Variants in EBF2 observed in about 807,000 individuals in gnomAD.
EBF2 encodes the protein transcription factor COE2.
Under a neutral mutation model 72.8 loss-of-function variants are expected in EBF2, and 21 were observed. The ratio of observed to expected loss-of-function variants is 0.29; its 90% CI spans 0.20 to 0.42. EBF2 has a LOEUF of 0.42. Ranked by LOEUF, EBF2 falls within the 10% of genes least tolerant of loss-of-function variation. EBF2 has a pLI of 1.00. For synonymous variants in EBF2, 299 were observed against 274.2 expected, an observed-to-expected ratio of 1.09 and a Z score of -0.89; for missense variants, 637 against 731.2, an observed-to-expected ratio of 0.87 and a Z score of 1.49.
At chr8:26,020,948 GAAGA>G (rs1466031870) in intron 6 of EBF2, among the ~76,000 whole-genome samples, 3 of 152,120 alleles carry the variant, frequency 2.0e-5, no homozygotes, top group Admixed American at 6.5e-5. Flanking sequence ...CCACAACCAA[GAAGA>G]GAGAGTGGAG....
chr8:25,956,834 C>G (rs1401053146), intron 6 of EBF2, among the ~76,000 whole-genome samples: 3 of 152,166 alleles, frequency 2.0e-5, no homozygotes, highest in Non-Finnish European at 2.9e-5. Flanking sequence ...TATTCTCTCC[C>G]AAGATGACAC....
At chr8:25,989,104 C>A (rs1804505863) in intron 6 of EBF2, among the ~76,000 whole-genome samples, 1 of 152,232 alleles carries the variant, frequency 6.6e-6, no homozygotes. Flanking sequence ...AATGCCTTAG[C>A]CTCTTTGGGC....
chr8:25,939,091 C>T (rs1456755866), intron 6 of EBF2, among the ~76,000 whole-genome samples: 1 of 152,100 alleles, frequency 6.6e-6, no homozygotes, highest in African/African-American at 2.4e-5. Context: ...ATGCTCAAGA[C>T]AAAAATCAAA....
intron 6 of EBF2, among the ~76,000 whole-genome samples, chr8:25,912,741 G>A (rs1245616384): frequency 1.3e-5 from 2 of 152,072 alleles, no homozygotes; most frequent in Non-Finnish European, 2.9e-5. Context: ...AGGATCCCCC[G>A]ACCAAACTAT....
chr8:25,973,906 G>C (rs1804227394), intron 6 of EBF2, among the ~76,000 whole-genome samples: 1 of 152,186 alleles, frequency 6.6e-6, no homozygotes, highest in Admixed American at 6.5e-5. Flanking sequence ...ACAAACTCCT[G>C]GGAGCAAGCA....
At chr8:25,850,880 TAAAAA>T (rs913523397) in intron 14 of EBF2, 119 bp from the exon 15 acceptor site, 6 of 959,252 alleles carry the variant, frequency 6.3e-6, no homozygotes, top group Non-Finnish European at 8.5e-6. Context: ...TTGCAGGGAT[TAAAAA>T]AAAAAAGTTG....
chr8:26,003,007 G>A (rs1037763487), intron 6 of EBF2, among the ~76,000 whole-genome samples: 2 of 151,996 alleles, frequency 1.3e-5, no homozygotes, highest in African/African-American at 4.8e-5. Context: ...CTCATCTGGG[G>A]AAGGTCTCAT....
At chr8:25,850,905 A>T in intron 14 of EBF2, 144 bp from the exon 15 acceptor site, 1 of 859,880 alleles carries the variant, frequency 1.2e-6, no homozygotes, top group Non-Finnish European at 1.7e-6. Flanking sequence ...GAATGTGACA[A>T]CATTCCCACC....
rs74864442 is a variant in EBF2, at chr8:25,923,943, G to A, written c.552-15388C>T. ...TGAATGTTTATGCTTCTCCTAATGA[G>A]ATGATGCATTGAAAAGTGAAGATAA... On this transcript the variant is annotated intron_variant, in intron 6 of 15. Transcript: ENST00000520164. 6.1e-3 allele frequency among the ~76,000 whole-genome samples: 930 copies of A among 152,056 alleles called. 5 individuals carry two copies. The highest frequency in any genetic ancestry group is 9.0e-3 in the Non-Finnish European group (615 of 67,992).
At chr8:25,937,662 C>A (rs1176082053) in intron 6 of EBF2, among the ~76,000 whole-genome samples, 1 of 152,124 alleles carries the variant, frequency 6.6e-6, no homozygotes, top group Non-Finnish European at 1.5e-5. Context: ...TTCTTTGTCA[C>A]AATAAACCAC....
At chr8:25,928,540 A>T (rs1216564057) in intron 6 of EBF2, among the ~76,000 whole-genome samples, 1 of 152,270 alleles carries the variant, frequency 6.6e-6, no homozygotes, top group South Asian at 2.1e-4. Context: ...GTACCATGTG[A>T]TCAATTACTG....
intron 7 of EBF2, among the ~76,000 whole-genome samples, chr8:25,906,559 G>A (rs1386069117): frequency 6.6e-6 from 1 of 152,088 alleles, no homozygotes; most frequent in Non-Finnish European, 1.5e-5. Flanking sequence ...TTGAGGTCTG[G>A]AGTTTCAGAC....
intron 6 of EBF2, among the ~76,000 whole-genome samples, chr8:25,913,385 G>A (rs1397860216): frequency 6.6e-6 from 1 of 152,008 alleles, no homozygotes; most frequent in Admixed American, 6.5e-5. Context: ...AGGTTGCAGT[G>A]AGCCGAGATC....
chr8:25,945,617 G>A (rs1055336829), intron 6 of EBF2, among the ~76,000 whole-genome samples: 1 of 151,252 alleles, frequency 6.6e-6, no homozygotes, highest in African/African-American at 2.4e-5. Flanking sequence ...CTTCTGCTTG[G>A]TCTGTTTGGT....
intron 7 of EBF2, among the ~76,000 whole-genome samples, chr8:25,897,361 T>A (rs1347227250): frequency 6.6e-6 from 1 of 152,172 alleles, no homozygotes; most frequent in Non-Finnish European, 1.5e-5. Flanking sequence ...TTTTCTTGTG[T>A]AATTTCAACT....
intron 6 of EBF2, among the ~76,000 whole-genome samples, chr8:26,015,802 G>A (rs1227166079): frequency 1.3e-5 from 2 of 152,140 alleles, no homozygotes; most frequent in Admixed American, 1.3e-4. Flanking sequence ...CAAAGCCTAG[G>A]CCAATGAAGC....
chr8:25,917,394 A>G (rs1412503573), intron 6 of EBF2, among the ~76,000 whole-genome samples: 2 of 152,142 alleles, frequency 1.3e-5, no homozygotes, highest in Non-Finnish European at 2.9e-5. Context: ...AATGAGACAC[A>G]CACTAAGAGC....
Position 26,030,195 on chromosome 8 carries a change from C to T in EBF2, c.551+2890G>A, listed in dbSNP as rs565906539. ...GGTAAACCCGAAAGACATTCAGGAG[C>T]GATGAGACAAGGTTTCAGTGAGAGA... On this transcript the variant is annotated intron_variant, in intron 6 of 15. Coordinates refer to ENST00000520164, the MANE Select transcript of EBF2 (RefSeq NM_022659.4). Among the ~76,000 whole-genome samples the T allele has an allele frequency of 1.2e-3, 177 of 152,298 alleles. 2 individuals are homozygous for T. Among genetic ancestry groups the T allele is most frequent in the African/African-American group, 3.9e-3 (160 of 41,550 alleles).
At chr8:26,014,795 C>T (rs1168264535) in intron 6 of EBF2, among the ~76,000 whole-genome samples, 2 of 152,130 alleles carry the variant, frequency 1.3e-5, no homozygotes, top group African/African-American at 2.4e-5. Context: ...CTTTCATGAG[C>T]CACATGGGGA....
Sources: gnomAD v4.1 joint callset for allele counts (sites outside exome capture counted in the v4.1 genomes callset) on GRCh38, gnomAD v4.1.1 for gene constraint, MANE v1.5 for transcripts, NCBI Gene and HGNC (gene_info 2026-07-23, HGNC 2026-07-21) for gene names.